The following FOXP1 variants were observed in gnomAD, a reference collection of about 807,000 sequenced individuals.
FOXP1 encodes forkhead box protein P1.
FOXP1 carries 15 observed loss-of-function variants against 98.2 expected under a neutral mutation model. That is an observed-to-expected ratio of 0.15 (90% CI 0.10 to 0.24). The LOEUF (loss-of-function observed/expected upper bound fraction) is 0.24, where lower values mean the gene tolerates loss of function less well. Ranked by LOEUF, FOXP1 falls within the 10% of genes least tolerant of loss-of-function variation. The probability of loss-of-function intolerance (pLI) is 1.00; values close to 1 mark genes in which losing one functional copy is unlikely to be tolerated. For missense variants in FOXP1, 633 were observed against 848.5 expected (o/e 0.75, Z 3.15); for synonymous variants, 371 against 314.5 (o/e 1.18, Z -1.90).
intron 4 of FOXP1, among the ~76,000 whole-genome samples, chr3:71,355,750 A>C (rs951243476): frequency 6.6e-6 from 1 of 152,158 alleles, no homozygotes; most frequent in Non-Finnish European, 1.5e-5. Flanking sequence ...TGTTGCCCCA[A>C]AACCATCAGT....
At chr3:71,362,462 C>T (rs562954494) in intron 3 of FOXP1, among the ~76,000 whole-genome samples, 122 of 152,268 alleles carry the variant, frequency 8.0e-4, no homozygotes, top group African/African-American at 2.8e-3. Flanking sequence ...TGAGCCACCG[C>T]GCCCAGCCCT....
intron 6 of FOXP1, among the ~76,000 whole-genome samples, chr3:71,149,389 C>T (rs1011343124): frequency 3.9e-5 from 6 of 152,066 alleles, no homozygotes; most frequent in African/African-American, 1.4e-4. Context: ...ATTTTAACAT[C>T]TCTAAAATTG....
At chr3:71,292,354 G>A (rs1017716587) in intron 5 of FOXP1, among the ~76,000 whole-genome samples, 2 of 152,064 alleles carry the variant, frequency 1.3e-5, no homozygotes, top group Non-Finnish European at 2.9e-5. Flanking sequence ...TATTTTTTGA[G>A]ATGGAGTCTC....
rs1024427468 is a variant in FOXP1 at position 70,999,635 on chromosome 3, C to T, written c.1062+1337G>A. On this transcript the variant is annotated intron_variant, in intron 13 of 20. Transcript: ENST00000649528. ...TGGCTAACAAAAATAACTTTTGAGA[C>T]AAATCCTACTAAAAAAATGTAATTG... 2.6e-5 allele frequency among the ~76,000 whole-genome samples: 4 copies of T among 152,000 alleles called. No homozygotes were observed. The South Asian group carries it at 8.3e-4, about 31-fold the overall frequency.
intron 2 of FOXP1, among the ~76,000 whole-genome samples, chr3:71,577,961 A>C (rs2047858846): frequency 6.6e-6 from 1 of 152,200 alleles, no homozygotes; most frequent in African/African-American, 2.4e-5. Flanking sequence ...AAAAAGAAAA[A>C]AAGAAGGCCA....
chr3:71,357,021 G>A (rs2078210478), intron 4 of FOXP1, among the ~76,000 whole-genome samples: 2 of 152,166 alleles, frequency 1.3e-5, no homozygotes, highest in Admixed American at 6.5e-5. Flanking sequence ...TAAGCTTTCA[G>A]CAGAGATACA....
At chr3:71,179,841 A>C (rs2062180400) in intron 6 of FOXP1, among the ~76,000 whole-genome samples, 1 of 152,218 alleles carries the variant, frequency 6.6e-6, no homozygotes, top group African/African-American at 2.4e-5. Context: ...TGCATCTTCT[A>C]ATTTTTCTAC....
At chr3:71,476,594 G>A (rs942944703) in intron 3 of FOXP1, among the ~76,000 whole-genome samples, 18 of 151,682 alleles carry the variant, frequency 1.2e-4, no homozygotes, top group East Asian at 5.8e-4. Context: ...AGGTTCAAGC[G>A]ATTCTCCGGC....
At chr3:71,457,589 AT>A (rs915855849) in intron 3 of FOXP1, among the ~76,000 whole-genome samples, 4 of 152,212 alleles carry the variant, frequency 2.6e-5, no homozygotes, top group African/African-American at 9.7e-5. Context: ...TTAATTATGA[AT>A]TACAGTGCTT....
intron 2 of FOXP1, among the ~76,000 whole-genome samples, chr3:71,520,851 ATC>A (rs2042929155): frequency 2.0e-5 from 3 of 152,240 alleles, no homozygotes; most frequent in Admixed American, 2.0e-4. Flanking sequence ...GACAGTTGCC[ATC>A]TGAGAACAAA....
rs752545731 is a variant in FOXP1 at position 70,955,899 on chromosome 3, A to C, written c.*3348T>G. The C allele has an allele frequency of 4.3e-5, 10 of 233,160 alleles. No homozygotes were observed. In the Admixed American group the frequency reaches 4.5e-4, roughly 11 times the overall value. The allele number at this position is 233,160 out of a possible 1,614,324, so 14.4% of individuals were successfully genotyped here. On this transcript the variant is annotated 3_prime_UTR_variant, in exon 21 of 21. Coordinates refer to ENST00000649528, the MANE Select transcript of FOXP1 (RefSeq NM_001349338.3). ...TCCAATCAATGAGAACAGAAAAAAG[A>C]AATCTTCAACTATGTTACAGTTTAA...
chr3:70,987,984 C>G lies in FOXP1; in HGVS notation c.1146+10G>C. 6.2e-7 allele frequency: 1 copy of G among 1,610,150 alleles called. No individual in the cohort carries two copies. Among genetic ancestry groups the G allele is most frequent in the Non-Finnish European group, 8.5e-7 (1 of 1,179,516 alleles). On this transcript the variant is annotated intron_variant, in intron 14 of 20. Transcript: ENST00000649528. ...TTGTTTTTTTCCCCTTGGTGGGGAT[C>G]AATACTTACGGGCTGAGGGGCGGCT...
chr3:71,108,061 G>A (rs1425205662), intron 7 of FOXP1, among the ~76,000 whole-genome samples: 3 of 152,204 alleles, frequency 2.0e-5, no homozygotes, highest in East Asian at 1.9e-4. Flanking sequence ...AAGGGCATGG[G>A]CAGGAAGGAA....
At chr3:71,349,085 T>A (rs1407000934) in intron 4 of FOXP1, among the ~76,000 whole-genome samples, 1 of 152,190 alleles carries the variant, frequency 6.6e-6, no homozygotes, top group Non-Finnish European at 1.5e-5. Flanking sequence ...AATTGGAATA[T>A]AACCATGTGC....
At chr3:71,130,588 C>T (rs1041767564) in intron 6 of FOXP1, 1 of 1,598,362 alleles carries the variant, frequency 6.3e-7, no homozygotes, top group South Asian at 1.1e-5. Context: ...GCTGTTTCTG[C>T]GAAGCGGGGG....
intron 4 of FOXP1, among the ~76,000 whole-genome samples, chr3:71,355,136 G>T (rs1283544967): frequency 6.6e-6 from 1 of 152,184 alleles, no homozygotes; most frequent in African/African-American, 2.4e-5. Flanking sequence ...AAGGTGATGT[G>T]TGTAGCTTTG....
chr3:71,345,800 T>G (rs2077299934), intron 4 of FOXP1, among the ~76,000 whole-genome samples: 1 of 140,150 alleles, frequency 7.1e-6, no homozygotes, highest in African/African-American at 2.6e-5. Context: ...AAATACCTAT[T>G]AGAACCATGA....
chr3:70,967,705 T>TG (rs71626397), intron 19 of FOXP1, among the ~76,000 whole-genome samples: 11,983 of 101,660 alleles, frequency 0.12, 984 homozygotes, highest in African/African-American at 0.17. Context: ...TTTTTGTTTT[T>TG]TTTTGTTTTT....
intron 7 of FOXP1, among the ~76,000 whole-genome samples, chr3:71,112,326 C>A (rs1326487065): frequency 6.6e-6 from 1 of 152,164 alleles, no homozygotes; most frequent in African/African-American, 2.4e-5. Flanking sequence ...ATTATATTCA[C>A]TAATCAGCAG....
Sources: gnomAD v4.1 joint callset for allele counts (sites outside exome capture counted in the v4.1 genomes callset) on GRCh38, gnomAD v4.1.1 for gene constraint, MANE v1.5 for transcripts, NCBI Gene and HGNC (gene_info 2026-07-23, HGNC 2026-07-21) for gene names.